The following TYW1B variants were observed in gnomAD, a reference collection of about 807,000 sequenced individuals.
TYW1B encodes tRNA-yW synthesizing protein 1 homolog B, also known as S-adenosyl-L-methionine-dependent tRNA 4-demethylwyosine synthase TYW1B.
In TYW1B, 73 loss-of-function variants were observed where a neutral mutation model predicts 86.9. That is an observed-to-expected ratio of 0.84 (90% CI 0.70 to 1.02). The LOEUF (loss-of-function observed/expected upper bound fraction) is 1.02, where lower values mean the gene tolerates loss of function less well. Among genes scored for constraint, TYW1B ranks in the 50% least tolerant of loss-of-function variants. The pLI is 0.00. For missense variants in TYW1B, 637 were observed against 827.4 expected (o/e 0.77, Z 2.82); for synonymous variants, 248 against 292.8 (o/e 0.85, Z 1.56).
chr7:72,784,087 T>C (rs1169919502), intron 6 of TYW1B, among the ~76,000 whole-genome samples: 16 of 152,266 alleles, frequency 1.1e-4, no homozygotes, highest in African/African-American at 3.1e-4. Flanking sequence ...TGTTAGTCTT[T>C]GTCTGCTTAG....
At chr7:72,656,184 T>C (rs1813199465) in intron 11 of TYW1B, among the ~76,000 whole-genome samples, 1 of 152,122 alleles carries the variant, frequency 6.6e-6, no homozygotes, top group African/African-American at 2.4e-5. Context: ...CCTATGCCAC[T>C]GAGAGGAACT....
chr7:72,615,359 T>TGGA (rs1812045883), intron 13 of TYW1B, among the ~76,000 whole-genome samples: 1 of 152,196 alleles, frequency 6.6e-6, no homozygotes, highest in Non-Finnish European at 1.5e-5. Flanking sequence ...GAGAGAAGGC[T>TGGA]GTGATTCCAG....
chr7:72,754,927 T>G (rs1787560831), intron 7 of TYW1B, among the ~76,000 whole-genome samples: 2 of 152,214 alleles, frequency 1.3e-5, no homozygotes, highest in African/African-American at 4.8e-5. Flanking sequence ...TGTAAAATTA[T>G]GTATGTGATA....
chr7:72,777,783 G>C (rs1554470872), intron 6 of TYW1B, among the ~76,000 whole-genome samples: 1 of 152,072 alleles, frequency 6.6e-6, no homozygotes, highest in Non-Finnish European at 1.5e-5. Flanking sequence ...GGGGATGGTG[G>C]CTCACACCTG....
chr7:72,734,268 A>AAAAAAAAAAAAAAAAAAAAAAAC (rs56806378), intron 8 of TYW1B, among the ~76,000 whole-genome samples: 18 of 98,144 alleles, frequency 1.8e-4, no homozygotes, highest in South Asian at 3.5e-4. Context: ...AAAAAAAAAA[A>AAAAAAAAAAAAAAAAAAAAAAAC]ACACAACAAA....
Position 72,628,935 on chromosome 7 carries a change from G to C in TYW1B, c.1569C>G (p.Ala523=). Residue 523 remains alanine (A), a synonymous_variant, in exon 12 of 14, where the codon GCC becomes GCG. Coordinates refer to ENST00000620995, the MANE Select transcript of TYW1B (RefSeq NM_001145440.3). The part of the protein sequence containing the change: ...VKAWNVDELQ[A]YAQLVSLGNP... ...TCCCCAGGGACACGAGCTGCGCGTAGGCCTGGAGCTCGTCCACGTTCCATG... is the reference window on the plus strand; with the variant it reads ...TCCCCAGGGACACGAGCTGCGCGTACGCCTGGAGCTCGTCCACGTTCCATG... The C allele has an allele frequency of 1.3e-6, 2 of 1,594,350 alleles. No homozygotes were observed. The highest frequency in any genetic ancestry group is 1.7e-6 in the Non-Finnish European group (2 of 1,171,458).
At position 72,784,775 on chromosome 7, in the gene TYW1B, G is replaced by T. The variant is rs1225875515; in HGVS notation, c.847-7242C>A. ...AGCCTCCCAAAGCACTGGGATTACA[G>T]GCATAAGCCACTGCGCCCGGCCTCC... On this transcript the variant is annotated intron_variant, in intron 6 of 13. Transcript: ENST00000620995. Among the ~76,000 whole-genome samples the T allele has an allele frequency of 2.6e-5, 4 of 152,272 alleles. No individual in the cohort carries two copies. In the East Asian group the frequency reaches 7.7e-4, roughly 29 times the overall value.
chr7:72,693,633 G>A (rs1253356020), intron 11 of TYW1B, among the ~76,000 whole-genome samples: 1 of 151,824 alleles, frequency 6.6e-6, no homozygotes, highest in Non-Finnish European at 1.5e-5. Flanking sequence ...GACCTCAAGC[G>A]ATCTGCCCAC....
intron 13 of TYW1B, among the ~76,000 whole-genome samples, chr7:72,594,924 A>C (rs1811492632): frequency 6.6e-6 from 1 of 152,174 alleles, no homozygotes; most frequent in Non-Finnish European, 1.5e-5. Context: ...ATCTGACAAA[A>C]CAACACCCTT....
At chr7:72,811,009 A>G (rs180717411) in intron 3 of TYW1B, among the ~76,000 whole-genome samples, 3 of 151,966 alleles carry the variant, frequency 2.0e-5, no homozygotes, top group Non-Finnish European at 4.4e-5. Context: ...CGGTGGCTCA[A>G]GCCTGTAATC....
intron 11 of TYW1B, among the ~76,000 whole-genome samples, chr7:72,638,709 G>C (rs1477038081): frequency 6.6e-6 from 1 of 152,214 alleles, no homozygotes; most frequent in Non-Finnish European, 1.5e-5. Context: ...TTGGAAGAAA[G>C]AAATAAAACG....
intron 11 of TYW1B, among the ~76,000 whole-genome samples, chr7:72,664,009 A>T (rs1813400534): frequency 6.6e-6 from 1 of 151,982 alleles, no homozygotes; most frequent in Non-Finnish European, 1.5e-5. Flanking sequence ...ACTCTCTTAC[A>T]TCTTCTTTTC....
chr7:72,590,630 C>T (rs1285509766), intron 13 of TYW1B, among the ~76,000 whole-genome samples: 1 of 152,194 alleles, frequency 6.6e-6, no homozygotes, highest in Admixed American at 6.5e-5. Flanking sequence ...GTTCATACCT[C>T]GGGCTGATCC....
At chr7:72,808,862 C>G (rs1487609942) in intron 4 of TYW1B, among the ~76,000 whole-genome samples, 2 of 151,956 alleles carry the variant, frequency 1.3e-5, no homozygotes, top group Admixed American at 1.3e-4. Context: ...CCACCTCCAC[C>G]GTCACTCACA....
At chr7:72,774,986 A>C (rs1787931163) in intron 7 of TYW1B, among the ~76,000 whole-genome samples, 1 of 152,164 alleles carries the variant, frequency 6.6e-6, no homozygotes, top group South Asian at 2.1e-4. Context: ...ACCCAAACTG[A>C]ACTTCTAGAA....
At position 72,670,456 on chromosome 7, in the gene TYW1B, G is replaced by A. The variant is rs1813570923; in HGVS notation, c.1506+24231C>T. 4.6e-5 allele frequency among the ~76,000 whole-genome samples: 7 copies of A among 152,192 alleles called. No individual in the cohort carries two copies. The South Asian group carries it at 1.5e-3, about 32-fold the overall frequency. On this transcript the variant is annotated intron_variant, in intron 11 of 13. Coordinates refer to ENST00000620995, the MANE Select transcript of TYW1B (RefSeq NM_001145440.3). ...TCCACCCGCCTTGGCCTCCCAAAGT[G>A]CCAGGATTACAGGTGTGAGCCACCA...
chr7:72,659,826 G>A (rs1426281101), intron 11 of TYW1B, among the ~76,000 whole-genome samples: 4 of 152,192 alleles, frequency 2.6e-5, no homozygotes, highest in Non-Finnish European at 5.9e-5. Context: ...TGGTGAGCAA[G>A]GTGAAACAGC....
chr7:72,744,432 T>C (rs1431635267), intron 8 of TYW1B, 52 bp downstream of exon 8: 1 of 1,532,152 alleles, frequency 6.5e-7, no homozygotes, highest in Non-Finnish European at 9.0e-7. Context: ...GGCAGATTGA[T>C]TACCACAGCT....
rs1339537892 is a variant in TYW1B at position 72,575,344 on chromosome 7, G to A, written c.*154C>T. On this transcript the variant is annotated 3_prime_UTR_variant, in exon 14 of 14. Coordinates refer to ENST00000620995, the MANE Select transcript of TYW1B (RefSeq NM_001145440.3). ...TGGCCCAGGCCCTCTGAGTGTGGAC[G>A]CTGTCCCCCGTGTCTCCATGTTTAC... 49 of 1,441,110 alleles carry A rather than the reference G, an allele frequency of 3.4e-5. No homozygotes were observed. Among genetic ancestry groups the A allele is most frequent in the African/African-American group, 7.2e-5 (5 of 69,530 alleles). 89.3% of individuals were successfully genotyped at this position (1,441,110 alleles called of 1,614,324 possible).
Sources: gnomAD v4.1 joint callset for allele counts (sites outside exome capture counted in the v4.1 genomes callset) on GRCh38, gnomAD v4.1.1 for gene constraint, MANE v1.5 for transcripts, NCBI Gene and HGNC (gene_info 2026-07-23, HGNC 2026-07-21) for gene names.